Variants in BICC1 observed in about 807,000 individuals in gnomAD.
BICC1 encodes BicC family RNA binding protein 1.
BICC1 carries 43 observed loss-of-function variants against 111.0 expected under a neutral mutation model. The ratio of observed to expected loss-of-function variants is 0.39; its 90% CI spans 0.30 to 0.50. BICC1 has a LOEUF of 0.50. Ranked by LOEUF, BICC1 falls within the 20% of genes least tolerant of loss-of-function variation. BICC1 has a pLI of 0.88. For missense variants in BICC1, 1,091 were observed against 1,203.2 expected (o/e 0.91, Z 1.38); for synonymous variants, 467 against 434.4 (o/e 1.07, Z -0.93).
Position 58,609,364 on chromosome 10 carries a change from G to A in BICC1, c.191-11491G>A, listed in dbSNP as rs7915366. Among the ~76,000 whole-genome samples the A allele has an allele frequency of 4.4e-3, 671 of 152,248 alleles. 6 individuals are homozygous for A. Among genetic ancestry groups the A allele is most frequent in the African/African-American group, 0.015 (631 of 41,556 alleles). On this transcript the variant is annotated intron_variant, in intron 1 of 20. Transcript: ENST00000373886. ...TATTTGGAAATACTCTTTGTTTTCA[G>A]TTCCTCATAGCCTGTAGCTGTGTGC... is the stretch of plus-strand genomic sequence containing the variant.
In BICC1 at chr10:58,579,884, A is replaced by G. The variant is rs930592841; in HGVS notation, c.191-40971A>G. Among the ~76,000 whole-genome samples, 26 of 1,890 alleles carry G rather than the reference A, an allele frequency of 0.014. No homozygotes were observed. In the Admixed American group the frequency reaches 0.14, roughly 10 times the overall value. 1.2% of individuals were successfully genotyped at this position (1,890 alleles called of 152,430 possible). On this transcript the variant is annotated intron_variant, in intron 1 of 20. Transcript: ENST00000373886. ...TTTTGGATTATTCATTTTTTCCATA[A>G]TAGAATATATACTCTAGCTTACTCT...
chr10:58,574,833 C>T (rs1209311267), intron 1 of BICC1, among the ~76,000 whole-genome samples: 2 of 152,078 alleles, frequency 1.3e-5, no homozygotes, highest in Non-Finnish European at 2.9e-5. Flanking sequence ...TACGTTTCTG[C>T]AAACTTCTTG....
chr10:58,769,404 G>GTATGTATATATATATA (rs1842559333), intron 3 of BICC1, among the ~76,000 whole-genome samples: 1 of 109,746 alleles, frequency 9.1e-6, no homozygotes, highest in Non-Finnish European at 1.9e-5. Context: ...GTGTGTGTGT[G>GTATGTATATATATATA]TATATATATA....
At chr10:58,651,461 G>A (rs976095324) in intron 2 of BICC1, among the ~76,000 whole-genome samples, 1 of 152,142 alleles carries the variant, frequency 6.6e-6, no homozygotes, top group Non-Finnish European at 1.5e-5. Context: ...TGTGAATCCT[G>A]TTCAGATGTT....
intron 3 of BICC1, among the ~76,000 whole-genome samples, chr10:58,765,396 C>T (rs1409067584): frequency 6.6e-6 from 1 of 152,136 alleles, no homozygotes; most frequent in African/African-American, 2.4e-5. Context: ...AGTGGGCTTC[C>T]ACAGGACCTA....
At chr10:58,649,280 C>T (rs553076562) in intron 2 of BICC1, among the ~76,000 whole-genome samples, 1 of 152,252 alleles carries the variant, frequency 6.6e-6, no homozygotes, top group South Asian at 2.1e-4. Context: ...TGATGTGCCC[C>T]AATGCCTATG....
chr10:58,788,637 T>G (rs931427597), intron 6 of BICC1, among the ~76,000 whole-genome samples: 1 of 152,204 alleles, frequency 6.6e-6, no homozygotes, highest in South Asian at 2.1e-4. Context: ...TTTATAAAAT[T>G]TTTTCACTGA....
chr10:58,813,158 C>G (rs1209954279), intron 17 of BICC1, among the ~76,000 whole-genome samples: 1 of 152,098 alleles, frequency 6.6e-6, no homozygotes, highest in Non-Finnish European at 1.5e-5. Context: ...GTCAGAGAAT[C>G]TTGACTTTAA....
chr10:58,602,091 A>G (rs1257181506), intron 1 of BICC1, among the ~76,000 whole-genome samples: 1 of 152,164 alleles, frequency 6.6e-6, no homozygotes, highest in Non-Finnish European at 1.5e-5. Flanking sequence ...GAAACATTTA[A>G]GTTTCTTGAA....
chr10:58,785,127 A>G, intron 4 of BICC1, 47 bp downstream of exon 4: 1 of 1,139,902 alleles, frequency 8.8e-7, no homozygotes, highest in Non-Finnish European at 1.3e-6. Context: ...TTGTCTCTAC[A>G]AGGGCTACTT....
intron 3 of BICC1, among the ~76,000 whole-genome samples, chr10:58,779,624 T>C (rs1842833123): frequency 6.6e-6 from 1 of 152,238 alleles, no homozygotes; most frequent in Non-Finnish European, 1.5e-5. Context: ...AATTTCCTCA[T>C]TTATTTTTTG....
intron 8 of BICC1, among the ~76,000 whole-genome samples, chr10:58,790,461 ATATAT>A (rs1843143446): frequency 6.6e-6 from 1 of 152,208 alleles, no homozygotes; most frequent in South Asian, 2.1e-4. Context: ...AAGCAAAGTT[ATATAT>A]TATAATTCAA....
chr10:58,657,107 C>A (rs576268154), intron 2 of BICC1, among the ~76,000 whole-genome samples: 1 of 152,122 alleles, frequency 6.6e-6, no homozygotes, highest in Non-Finnish European at 1.5e-5. Flanking sequence ...CTTCTCCTCA[C>A]GTGCGCCATT....
intron 1 of BICC1, among the ~76,000 whole-genome samples, chr10:58,599,371 A>G (rs1331178834): frequency 6.6e-6 from 1 of 152,142 alleles, no homozygotes; most frequent in East Asian, 1.9e-4. Flanking sequence ...GAAGCTGGAA[A>G]CCATCATTCT....
chr10:58,797,209 A>C (rs535448701), intron 10 of BICC1, among the ~76,000 whole-genome samples: 55 of 152,282 alleles, frequency 3.6e-4, no homozygotes, highest in Middle Eastern at 3.4e-3. Flanking sequence ...TGCTAGATTT[A>C]TTTCTTTCCT....
At chr10:58,821,932 TATC>T (rs1267194210) in intron 20 of BICC1, among the ~76,000 whole-genome samples, 5 of 152,160 alleles carry the variant, frequency 3.3e-5, no homozygotes, top group Non-Finnish European at 1.5e-5. Flanking sequence ...TTTCATGTGA[TATC>T]ATCAGGCTTA....
At chr10:58,776,298 G>A (rs372767836) in intron 3 of BICC1, among the ~76,000 whole-genome samples, 3 of 152,154 alleles carry the variant, frequency 2.0e-5, no homozygotes, top group Admixed American at 1.3e-4. Context: ...GATTTTTCAC[G>A]AAGAGTCCCA....
chr10:58,825,095 G>A (rs2132989611), intron 20 of BICC1, among the ~76,000 whole-genome samples: 1 of 152,214 alleles, frequency 6.6e-6, no homozygotes, highest in South Asian at 2.1e-4. Flanking sequence ...AGTATTTGTT[G>A]TTTGTGAGTA....
intron 2 of BICC1, among the ~76,000 whole-genome samples, chr10:58,698,650 G>T (rs1442822118): frequency 6.6e-6 from 1 of 152,130 alleles, no homozygotes; most frequent in South Asian, 2.1e-4. Flanking sequence ...CTTGTTTGCT[G>T]TTGTATCCCT....
Sources: allele counts gnomAD v4.1 joint callset (sites outside exome capture counted in the v4.1 genomes callset), GRCh38; gene constraint gnomAD v4.1.1; transcripts MANE v1.5; gene names NCBI Gene and HGNC (gene_info 2026-07-23, HGNC 2026-07-21).